Variants in QSOX2 observed in about 807,000 individuals in gnomAD.
QSOX2 encodes quiescin sulfhydryl oxidase 2.
In QSOX2, 46 loss-of-function variants were observed where a neutral mutation model predicts 61.7. That is an observed-to-expected ratio of 0.75 (90% confidence interval 0.59 to 0.95). The LOEUF (loss-of-function observed/expected upper bound fraction) is 0.95. Ranked by LOEUF, QSOX2 falls within the 40% of genes least tolerant of loss-of-function variation. The pLI, the probability that QSOX2 is intolerant of heterozygous loss-of-function variation, is 0.00. For synonymous variants in QSOX2, 383 were observed against 388.4 expected (o/e 0.99, Z 0.16); for missense variants, 879 against 918.9 (o/e 0.96, Z 0.56).
intron 2 of QSOX2, among the ~76,000 whole-genome samples, chr9:136,225,855 A>G (rs1293044729): frequency 6.6e-6 from 1 of 152,268 alleles, no homozygotes; most frequent in Non-Finnish European, 1.5e-5. Flanking sequence ...CCGAAAGTTT[A>G]CATACAGCAC....
chr9:136,221,776 G>C lies in QSOX2; in HGVS notation c.821+20C>G. 6 of 1,577,638 alleles carry C rather than the reference G, an allele frequency of 3.8e-6. No homozygotes were observed. Among genetic ancestry groups the C allele is most frequent in the Non-Finnish European group, 5.2e-6 (6 of 1,159,046 alleles). On this transcript the variant is annotated intron_variant, in intron 6 of 11. Transcript: ENST00000358701. The surrounding 1 kb of genome is among the most constrained non-coding windows in gnomAD (Gnocchi z 4.5). ...AACTCCGAGCGGCACGGAGTTCCCA[G>C]ACCCCACCCGGGCACTCACACGTTA... is the stretch of plus-strand genomic sequence containing the variant.
Position 136,238,901 on chromosome 9 carries a change from C to T in QSOX2, c.328+6575G>A, listed in dbSNP as rs369128070. 2.9e-4 allele frequency among the ~76,000 whole-genome samples: 44 copies of T among 152,322 alleles called. 1 individual carries two copies. In the East Asian group the frequency reaches 7.3e-3, roughly 25 times the overall value. ...GGCGTGGTGGTACCTGCCCATCGTCCCAGCTACTTAGGACGCTGAGGCAGG... is the reference window on the plus strand; with the variant it reads ...GGCGTGGTGGTACCTGCCCATCGTCTCAGCTACTTAGGACGCTGAGGCAGG... On this transcript the variant is annotated intron_variant, in intron 1 of 11. Coordinates refer to ENST00000358701, the MANE Select transcript of QSOX2 (RefSeq NM_181701.4).
intron 10 of QSOX2, 97 bp downstream of exon 10, chr9:136,215,057 T>C (rs1389761448): frequency 1.4e-6 from 2 of 1,406,528 alleles, no homozygotes; most frequent in Non-Finnish European, 1.9e-6. Flanking sequence ...GGCGACATGC[T>C]GCCTCCCATA....
chr9:136,239,151 G>C (rs1260762530), intron 1 of QSOX2, among the ~76,000 whole-genome samples: 2 of 152,186 alleles, frequency 1.3e-5, no homozygotes, highest in African/African-American at 4.8e-5. Context: ...TAATTGGTCT[G>C]TTCATTTTTC....
chr9:136,219,244 C>G, intron 6 of QSOX2, 80 bp from the exon 7 acceptor site: 1 of 1,500,510 alleles, frequency 6.7e-7, no homozygotes, highest in Non-Finnish European at 8.9e-7. Context: ...TTCAGGACAG[C>G]TCTGGGCCAC....
At chr9:136,214,255 A>C (rs1214068641) in intron 10 of QSOX2, among the ~76,000 whole-genome samples, 1 of 152,216 alleles carries the variant, frequency 6.6e-6, no homozygotes, top group Non-Finnish European at 1.5e-5. Context: ...AAATTATTAA[A>C]TCCAACTTCG....
intron 11 of QSOX2, chr9:136,210,510 A>C: frequency 1.0e-6 from 1 of 985,482 alleles, no homozygotes; most frequent in Non-Finnish European, 1.2e-6. Context: ...GCGGCGATGC[A>C]GAGGCTGCCA....
chr9:136,245,373 CG>C, intron 1 of QSOX2, 102 bp downstream of exon 1: 3 of 950,740 alleles, frequency 3.2e-6, no homozygotes, highest in Non-Finnish European at 3.0e-6. Flanking sequence ...GAAAGAAATA[CG>C]GGGGAGGGGC....
In QSOX2 at chr9:136,222,873, G is replaced by A. The variant is rs1475571775; in HGVS notation, c.675+890C>T. Among the ~76,000 whole-genome samples the A allele has an allele frequency of 6.6e-6, 1 of 152,220 alleles. No individual in the cohort carries two copies. Among genetic ancestry groups the A allele is most frequent in the East Asian group, 1.9e-4 (1 of 5,198 alleles). On this transcript the variant is annotated intron_variant, in intron 5 of 11. Transcript: ENST00000358701. The surrounding 1 kb of genome is among the most constrained non-coding windows in gnomAD (Gnocchi z 6.9). ...GAGGGGCCTTGGGACAGGGGTGAGG[G>A]GTCTGGGAGAGCCACACACTGCTAG... is the stretch of plus-strand genomic sequence containing the variant.
At position 136,209,013 on chromosome 9, in the gene QSOX2, T is replaced by C; in HGVS notation, c.1812A>G (p.Arg604=). The C allele has an allele frequency of 6.2e-7, 1 of 1,613,984 alleles. No homozygotes were observed. Among genetic ancestry groups the C allele is most frequent in the African/African-American group, 1.3e-5 (1 of 75,056 alleles). ...LTPPEVSHGD[R]DTQSVRPPGA... Reference sequence around the variant, plus strand: ...CAGGTGGACGGACGCTCTGGGTGTCTCGGTCTCCATGGGACACCTCTGGGG... The same window carrying C: ...CAGGTGGACGGACGCTCTGGGTGTCCCGGTCTCCATGGGACACCTCTGGGG... The change falls in exon 12 of 12, where the codon CGA becomes CGG. Residue 604 remains arginine, a synonymous_variant. Coordinates refer to ENST00000358701, the MANE Select transcript of QSOX2 (RefSeq NM_181701.4). This position sits in a 1 kb window ranked among gnomAD's most constrained non-coding sequence, Gnocchi z 5.6.
At chr9:136,215,370 G>A (rs1026339697) in intron 9 of QSOX2, 66 bp from the exon 10 acceptor site, 29 of 1,260,476 alleles carry the variant, frequency 2.3e-5, no homozygotes, top group South Asian at 5.2e-5. Context: ...AAAAACAGTC[G>A]ACAGCTGCCT....
intron 8 of QSOX2, among the ~76,000 whole-genome samples, chr9:136,217,945 C>T (rs1322218054): frequency 6.6e-6 from 1 of 152,278 alleles, no homozygotes. Flanking sequence ...TCACAAATCA[C>T]TTTGTAAGTA....
At position 136,209,353 on chromosome 9, in the gene QSOX2, C is replaced by T. The variant is rs558327787; in HGVS notation, c.1550-78G>A. 4 of 1,547,158 alleles carry T rather than the reference C, an allele frequency of 2.6e-6. No homozygotes were observed. Among genetic ancestry groups the T allele is most frequent in the Non-Finnish European group, 3.5e-6 (4 of 1,145,656 alleles). ...ACGTGCAGCGTGCGGCAACCGGACTCCCACTCCCACCCACCACGGGCCTCC... is the reference window on the plus strand; with the variant it reads ...ACGTGCAGCGTGCGGCAACCGGACTTCCACTCCCACCCACCACGGGCCTCC... On this transcript the variant is annotated intron_variant, in intron 11 of 11. Coordinates refer to ENST00000358701, the MANE Select transcript of QSOX2 (RefSeq NM_181701.4). This position sits in a 1 kb window ranked among gnomAD's most constrained non-coding sequence, Gnocchi z 5.6.
intron 1 of QSOX2, among the ~76,000 whole-genome samples, chr9:136,241,739 G>A (rs1366894992): frequency 1.3e-5 from 2 of 152,210 alleles, no homozygotes; most frequent in Non-Finnish European, 1.5e-5. Context: ...CCTGTTCCAC[G>A]CAACCTCATG....
At position 136,215,215 on chromosome 9, in the gene QSOX2, C is replaced by T; in HGVS notation, c.1299G>A (p.Trp433Ter). 1 of 1,614,108 alleles carries T rather than the reference C, an allele frequency of 6.2e-7. No individual in the cohort carries two copies. Among genetic ancestry groups the T allele is most frequent in the Non-Finnish European group, 8.5e-7 (1 of 1,180,034 alleles). Residue 433 changes from tryptophan (W) to a stop codon, truncating the protein, a stop_gained, in exon 10 of 12, where the codon TGG becomes TGA. Transcript: ENST00000358701. LOFTEE classifies it high-confidence loss of function. Reference sequence around the variant, plus strand: ...CAACAGTCAAAGTGTGGAACAGTTTCCAGAGAGAACACGGGTAACCCCTCA... The same window carrying T: ...CAACAGTCAAAGTGTGGAACAGTTTTCAGAGAGAACACGGGTAACCCCTCA... The part of the protein sequence containing the change: ...SELRGYPCSL[W>*]KLFHTLTVEA...
Position 136,208,727 on chromosome 9 carries a change from C to T in QSOX2, c.*1G>A, listed in dbSNP as rs755118389. The T allele has an allele frequency of 5.6e-6, 9 of 1,600,434 alleles. No homozygotes were observed. The highest frequency in any genetic ancestry group is 4.4e-5 in the South Asian group (4 of 90,334). ...CGCCGTGGCTGGCAGCACCCGGGCA[C>T]TCACACGGCCGGGTGGTGGTGCTTG... On this transcript the variant is annotated 3_prime_UTR_variant, in exon 12 of 12. Coordinates refer to ENST00000358701, the MANE Select transcript of QSOX2 (RefSeq NM_181701.4).
intron 1 of QSOX2, among the ~76,000 whole-genome samples, chr9:136,238,825 T>C (rs775138372): frequency 8.3e-4 from 127 of 152,248 alleles, no homozygotes; most frequent in Non-Finnish European, 1.5e-3. Context: ...CTCAGGGACC[T>C]CGTGGTTGCC....
At position 136,221,650 on chromosome 9, in the gene QSOX2, G is replaced by A. The variant is rs185990727; in HGVS notation, c.821+146C>T. The A allele has an allele frequency of 5.1e-6, 4 of 783,320 alleles. No individual in the cohort carries two copies. The African/African-American group carries it at 7.1e-5, about 14-fold the overall frequency. The allele number at this position is 783,320 out of a possible 1,614,324, so 48.5% of individuals were successfully genotyped here. ...CAGATCAGCAATACCCACGGGCTGA[G>A]AGCCAGGGCCCAAATCTGCCCAGGG... On this transcript the variant is annotated intron_variant, in intron 6 of 11. Coordinates refer to ENST00000358701, the MANE Select transcript of QSOX2 (RefSeq NM_181701.4). The surrounding 1 kb of genome is among the most constrained non-coding windows in gnomAD (Gnocchi z 4.5).
intron 1 of QSOX2, among the ~76,000 whole-genome samples, chr9:136,241,935 TTG>T (rs1295273762): frequency 6.6e-6 from 1 of 152,164 alleles, no homozygotes. Flanking sequence ...GTGCACCCTC[TTG>T]TCCACTCAAG....
Sources: gnomAD v4.1 joint callset for allele counts (sites outside exome capture counted in the v4.1 genomes callset) on GRCh38, gnomAD v4.1.1 for gene constraint, Gnocchi (gnomAD v3.1) non-coding constraint, MANE v1.5 for transcripts, NCBI Gene and HGNC (gene_info 2026-07-23, HGNC 2026-07-21) for gene names.